Variants in NRXN3 observed in about 807,000 individuals in gnomAD.
NRXN3 encodes the protein neurexin III.
In NRXN3, 32 loss-of-function variants were observed where a neutral mutation model predicts 137.6. The ratio of observed to expected loss-of-function variants is 0.23; its 90% CI spans 0.18 to 0.31. NRXN3 has a LOEUF of 0.31. Ranked by LOEUF, NRXN3 falls within the 10% of genes least tolerant of loss-of-function variation. The pLI is 1.00. For missense variants in NRXN3, 1,574 were observed against 2,062.5 expected (o/e 0.76, Z 4.59); for synonymous variants, 798 against 784.5 (o/e 1.02, Z -0.29).
At chr14:79,038,586 T>A (rs150655762) in intron 15 of NRXN3, among the ~76,000 whole-genome samples, 5 of 152,282 alleles carry the variant, frequency 3.3e-5, no homozygotes, top group African/African-American at 1.2e-4. Context: ...TAATAATGGG[T>A]ATGCTCTCCT....
intron 4 of NRXN3, among the ~76,000 whole-genome samples, chr14:78,317,925 C>T (rs1418412693): frequency 6.6e-6 from 1 of 152,140 alleles, no homozygotes; most frequent in Non-Finnish European, 1.5e-5. Flanking sequence ...TTTCCTCCTA[C>T]AGTATATTGG....
At chr14:79,369,189 A>G (rs1368192639) in intron 15 of NRXN3, among the ~76,000 whole-genome samples, 1 of 152,194 alleles carries the variant, frequency 6.6e-6, no homozygotes, top group African/African-American at 2.4e-5. Context: ...AAAGGTGGGT[A>G]CAATGGAACA....
intron 16 of NRXN3, among the ~76,000 whole-genome samples, chr14:79,488,655 A>G (rs1423647464): frequency 6.6e-6 from 1 of 152,206 alleles, no homozygotes; most frequent in Non-Finnish European, 1.5e-5. Flanking sequence ...AGCTCTTCCT[A>G]TGGAGTAAGA....
intron 15 of NRXN3, among the ~76,000 whole-genome samples, chr14:78,999,081 T>C (rs917954496): frequency 2.6e-5 from 4 of 152,190 alleles, no homozygotes; most frequent in African/African-American, 7.2e-5. Flanking sequence ...AATTAACAAA[T>C]GTTTTCAAAC....
At chr14:79,246,569 C>G (rs1455834453) in intron 15 of NRXN3, 1 of 152,178 alleles carries the variant, frequency 6.6e-6, no homozygotes, top group Admixed American at 6.6e-5. Context: ...TTTTAACACA[C>G]ACACACACTT....
rs1253329083 is a variant in NRXN3 at position 79,170,450 on chromosome 14, C to T, written c.3262+182309C>T. ...TGGGTGCTATCCACAGTAGGTGCTA[C>T]AGTTATGCAGAAAATAAAGAGATAT... On this transcript the variant is annotated intron_variant, in intron 15 of 20. Coordinates refer to ENST00000335750, the MANE Select transcript of NRXN3 (RefSeq NM_001330195.2). 2.0e-5 allele frequency among the ~76,000 whole-genome samples: 3 copies of T among 152,104 alleles called. No homozygotes were observed. In the East Asian group the frequency reaches 5.8e-4, roughly 30 times the overall value.
intron 1 of NRXN3, among the ~76,000 whole-genome samples, chr14:78,186,090 C>T (rs1393713233): frequency 1.3e-5 from 2 of 152,160 alleles, no homozygotes; most frequent in African/African-American, 2.4e-5. Flanking sequence ...ACTGTCTCAG[C>T]AGAAGCCACT....
chr14:78,194,281 G>A (rs2153381498), intron 1 of NRXN3, among the ~76,000 whole-genome samples: 1 of 152,234 alleles, frequency 6.6e-6, no homozygotes, highest in Non-Finnish European at 1.5e-5. Context: ...TACCATGGAG[G>A]CTCATATCTG....
At chr14:78,844,796 C>CTAATAT (rs2099021952) in intron 10 of NRXN3, among the ~76,000 whole-genome samples, 1 of 151,972 alleles carries the variant, frequency 6.6e-6, no homozygotes, top group African/African-American at 2.4e-5. Flanking sequence ...CTCTGGAGAA[C>CTAATAT]CCTGACTAAT....
chr14:78,455,466 G>A (rs769467388), intron 4 of NRXN3, among the ~76,000 whole-genome samples: 1 of 152,198 alleles, frequency 6.6e-6, no homozygotes, highest in East Asian at 1.9e-4. Context: ...GCATATATCC[G>A]CTGGGTGCTT....
chr14:79,532,765 A>G (rs1601734584), intron 16 of NRXN3, among the ~76,000 whole-genome samples: 1 of 152,232 alleles, frequency 6.6e-6, no homozygotes, highest in African/African-American at 2.4e-5. Context: ...TATTATTTTC[A>G]CATAAAACTG....
At chr14:79,652,070 G>C (rs2098479052) in intron 16 of NRXN3, among the ~76,000 whole-genome samples, 1 of 152,282 alleles carries the variant, frequency 6.6e-6, no homozygotes, top group South Asian at 2.1e-4. Context: ...AGTGGACACA[G>C]AGGTGCTTAG....
intron 16 of NRXN3, among the ~76,000 whole-genome samples, chr14:79,652,600 C>T (rs527454026): frequency 3.3e-5 from 5 of 152,186 alleles, no homozygotes; most frequent in East Asian, 1.9e-4. Flanking sequence ...ATTATTCTAT[C>T]GAAAGAGCAC....
At chr14:79,766,544 G>T (rs1220748287) in intron 19 of NRXN3, among the ~76,000 whole-genome samples, 2 of 152,184 alleles carry the variant, frequency 1.3e-5, no homozygotes, top group African/African-American at 4.8e-5. Context: ...AAGGGGTCTT[G>T]TCATCATTGC....
chr14:78,422,224 C>T (rs1234501317), intron 4 of NRXN3, among the ~76,000 whole-genome samples: 3 of 152,218 alleles, frequency 2.0e-5, no homozygotes, highest in African/African-American at 7.2e-5. Context: ...CCCCAGGTAA[C>T]CTTCCCTGGC....
intron 15 of NRXN3, among the ~76,000 whole-genome samples, chr14:79,427,194 C>G (rs1003074653): frequency 2.0e-5 from 3 of 152,118 alleles, no homozygotes; most frequent in Non-Finnish European, 4.4e-5. Flanking sequence ...CCAAAGCAAT[C>G]AGAAGACCTG....
At chr14:78,781,649 A>G (rs2098770096) in intron 8 of NRXN3, among the ~76,000 whole-genome samples, 2 of 152,340 alleles carry the variant, frequency 1.3e-5, no homozygotes. Flanking sequence ...CAAAATTGTG[A>G]ATGTTAAATT....
At chr14:79,646,271 G>T (rs1247273768) in intron 16 of NRXN3, among the ~76,000 whole-genome samples, 3 of 135,436 alleles carry the variant, frequency 2.2e-5, no homozygotes, top group South Asian at 2.3e-4. Context: ...CTGCACTAAA[G>T]AGTCTTACTC....
At chr14:78,464,634 T>C (rs2095042988) in intron 4 of NRXN3, among the ~76,000 whole-genome samples, 1 of 152,216 alleles carries the variant, frequency 6.6e-6, no homozygotes, top group Non-Finnish European at 1.5e-5. Flanking sequence ...TAAAAGCAAT[T>C]TGTATACATT....
Sources: allele counts gnomAD v4.1 joint callset (sites outside exome capture counted in the v4.1 genomes callset), GRCh38; gene constraint gnomAD v4.1.1; transcripts MANE v1.5; gene names NCBI Gene and HGNC (gene_info 2026-07-23, HGNC 2026-07-21).